The following NDUFS4 variants were observed in gnomAD, a reference collection of about 807,000 sequenced individuals.
The protein encoded by NDUFS4 is NADH:ubiquinone oxidoreductase subunit S4, also known as NADH dehydrogenase [ubiquinone] iron-sulfur protein 4, mitochondrial.
In NDUFS4, 28 loss-of-function variants were observed where a neutral mutation model predicts 24.3. The observed-to-expected ratio is 1.15, with a 90% CI of 0.85 to 1.58. The LOEUF is 1.58. Ranked by LOEUF, NDUFS4 falls within the 40% of genes most tolerant of loss-of-function variation. The probability of loss-of-function intolerance (pLI) is 0.00; values close to 1 mark genes in which losing one functional copy is unlikely to be tolerated. For synonymous variants in NDUFS4, 93 were observed against 69.7 expected (o/e 1.34, Z -1.67); for missense variants, 223 against 207.9 (o/e 1.07, Z -0.45).
At chr5:53,675,042 T>C (rs1740411954) in intron 4 of NDUFS4, among the ~76,000 whole-genome samples, 1 of 149,254 alleles carries the variant, frequency 6.7e-6, no homozygotes, top group African/African-American at 2.6e-5. Flanking sequence ...TAGCTTAAAA[T>C]AATTTCTAGC....
chr5:53,682,487 T>TATCA (rs1361447283), intron 4 of NDUFS4, among the ~76,000 whole-genome samples: 15 of 151,896 alleles, frequency 9.9e-5, no homozygotes, highest in African/African-American at 3.6e-4. Flanking sequence ...TTGCGCTCTT[T>TATCA]ATCAGGTACT....
chr5:53,677,505 T>C (rs1258626085), intron 4 of NDUFS4, among the ~76,000 whole-genome samples: 1 of 152,212 alleles, frequency 6.6e-6, no homozygotes, highest in Non-Finnish European at 1.5e-5. Context: ...CTGAACCATT[T>C]ACCCCCTACT....
rs763223877 is a variant in NDUFS4, at chr5:53,646,215, T to C, written c.178-18T>C. ...GTAGGCTGTTTGAAACGTGTTTTTT[T>C]TTCTTGTTTTTCTGTAGGATATCAC... On this transcript the variant is annotated intron_variant, in intron 2 of 4. Transcript: ENST00000296684. 1 of 1,587,014 alleles carries C rather than the reference T, an allele frequency of 6.3e-7. No homozygotes were observed. The highest frequency in any genetic ancestry group is 8.6e-7 in the Non-Finnish European group (1 of 1,158,688).
At chr5:53,585,116 A>G (rs1485124132) in intron 1 of NDUFS4, among the ~76,000 whole-genome samples, 1 of 152,190 alleles carries the variant, frequency 6.6e-6, no homozygotes, top group Admixed American at 6.5e-5. Flanking sequence ...ATTATGGGAT[A>G]TTATGAAAAG....
At chr5:53,569,096 G>C (rs1019877204) in intron 1 of NDUFS4, among the ~76,000 whole-genome samples, 15 of 152,106 alleles carry the variant, frequency 9.9e-5, no homozygotes, top group African/African-American at 3.6e-4. Context: ...AGTGAATACA[G>C]ATGTTTTGGC....
At chr5:53,560,933 CGAGT>C (rs1162785526) in intron 1 of NDUFS4, among the ~76,000 whole-genome samples, 173 bp downstream of exon 1, 1 of 152,072 alleles carries the variant, frequency 6.6e-6, no homozygotes, top group Admixed American at 6.6e-5. Flanking sequence ...GTTGGCCAGG[CGAGT>C]GAGGGCGTGA....
chr5:53,623,224 C>T (rs1249878400), intron 2 of NDUFS4, among the ~76,000 whole-genome samples: 1 of 152,188 alleles, frequency 6.6e-6, no homozygotes, highest in Admixed American at 6.5e-5. Context: ...CACCATTTTA[C>T]ATTCCCACAG....
chr5:53,607,647 A>G (rs900917636), intron 2 of NDUFS4, among the ~76,000 whole-genome samples: 1 of 152,180 alleles, frequency 6.6e-6, no homozygotes, highest in East Asian at 1.9e-4. Context: ...CATGGGTAAA[A>G]GTTTCCTTTA....
intron 4 of NDUFS4, among the ~76,000 whole-genome samples, chr5:53,664,877 G>T (rs1752467107): frequency 6.6e-6 from 1 of 152,206 alleles, no homozygotes; most frequent in African/African-American, 2.4e-5. Flanking sequence ...GTGCAGAGCT[G>T]CATTCCTTTG....
chr5:53,580,240 G>A (rs1579830478), intron 1 of NDUFS4, among the ~76,000 whole-genome samples: 2 of 152,170 alleles, frequency 1.3e-5, no homozygotes, highest in Middle Eastern at 6.8e-3. Flanking sequence ...ACACATATAC[G>A]TGGCAACTAC....
intron 1 of NDUFS4, among the ~76,000 whole-genome samples, chr5:53,591,945 T>C (rs1413865941): frequency 1.3e-5 from 2 of 152,104 alleles, no homozygotes; most frequent in African/African-American, 4.8e-5. Context: ...TTTGTTGTTG[T>C]TGTTGTTTTG....
At chr5:53,644,814 C>T (rs947997074) in intron 2 of NDUFS4, among the ~76,000 whole-genome samples, 2 of 152,032 alleles carry the variant, frequency 1.3e-5, no homozygotes, top group African/African-American at 4.8e-5. Flanking sequence ...GTAGCCACAC[C>T]TAATTATTGA....
intron 2 of NDUFS4, among the ~76,000 whole-genome samples, chr5:53,645,064 T>C (rs144619160): frequency 2.1e-4 from 32 of 152,256 alleles, no homozygotes; most frequent in African/African-American, 7.7e-4. Flanking sequence ...TTAGGGTGTG[T>C]ATTATAATGA....
At chr5:53,561,107 C>G (rs1748828103) in intron 1 of NDUFS4, among the ~76,000 whole-genome samples, 1 of 152,160 alleles carries the variant, frequency 6.6e-6, no homozygotes, top group Non-Finnish European at 1.5e-5. Flanking sequence ...TTTCCACTTT[C>G]TGCATCCCTT....
intron 1 of NDUFS4, among the ~76,000 whole-genome samples, chr5:53,600,440 C>G (rs919743843): frequency 6.6e-6 from 1 of 152,112 alleles, no homozygotes; most frequent in African/African-American, 2.4e-5. Context: ...TCCTGAGTAG[C>G]TGGGACTACA....
intron 2 of NDUFS4, among the ~76,000 whole-genome samples, chr5:53,609,169 G>A (rs1256832106): frequency 1.3e-5 from 2 of 152,176 alleles, no homozygotes; most frequent in African/African-American, 2.4e-5. Flanking sequence ...CTTTCCGGAA[G>A]GTTTTCAATT....
chr5:53,625,187 A>G (rs767973926), intron 2 of NDUFS4, among the ~76,000 whole-genome samples: 9 of 152,024 alleles, frequency 5.9e-5, no homozygotes, highest in East Asian at 3.9e-4. Context: ...AGCTCATGCA[A>G]TCTGCCTGCC....
At chr5:53,599,997 T>G (rs2112452789) in intron 1 of NDUFS4, among the ~76,000 whole-genome samples, 1 of 152,138 alleles carries the variant, frequency 6.6e-6, no homozygotes. Context: ...TTTATTTATT[T>G]ATTTTATTAT....
chr5:53,628,824 C>A (rs2112487074), intron 2 of NDUFS4, among the ~76,000 whole-genome samples: 1 of 152,212 alleles, frequency 6.6e-6, no homozygotes, highest in Middle Eastern at 3.4e-3. Flanking sequence ...AAAAAACCAG[C>A]TTCTGGATTC....
Sources: allele counts gnomAD v4.1 joint callset (sites outside exome capture counted in the v4.1 genomes callset), GRCh38; gene constraint gnomAD v4.1.1; transcripts MANE v1.5; gene names NCBI Gene and HGNC (gene_info 2026-07-23, HGNC 2026-07-21).